The following CDK5RAP2 variants were observed in gnomAD, a reference collection of about 807,000 sequenced individuals.
The protein encoded by CDK5RAP2 is CDK5 regulatory subunit-associated protein 2.
In CDK5RAP2, 147 loss-of-function variants were observed where a neutral mutation model predicts 232.9. The ratio of observed to expected loss-of-function variants is 0.63; its 90% CI spans 0.55 to 0.72. The LOEUF (loss-of-function observed/expected upper bound fraction) is 0.72, where lower values mean the gene tolerates loss of function less well. Among genes scored for constraint, CDK5RAP2 ranks in the 30% least tolerant of loss-of-function variants. The pLI is 0.00. For missense variants in CDK5RAP2, 2,195 were observed against 2,231.5 expected, an observed-to-expected ratio of 0.98 and a Z score of 0.33; for synonymous variants, 833 against 833.7, an observed-to-expected ratio of 1.00 and a Z score of 0.01.
chr9:120,557,141 A>C (rs1488215751), intron 3 of CDK5RAP2, among the ~76,000 whole-genome samples: 2 of 152,232 alleles, frequency 1.3e-5, no homozygotes, highest in Non-Finnish European at 2.9e-5. Context: ...AGAAGGTCAC[A>C]GCAAACAACA....
At chr9:120,479,663 A>G (rs2038201634) in intron 14 of CDK5RAP2, among the ~76,000 whole-genome samples, 1 of 152,218 alleles carries the variant, frequency 6.6e-6, no homozygotes, top group African/African-American at 2.4e-5. Flanking sequence ...ATTCTATGGT[A>G]TAACTGGCCC....
chr9:120,481,938 T>C (rs1327447867), intron 14 of CDK5RAP2, among the ~76,000 whole-genome samples: 3 of 152,208 alleles, frequency 2.0e-5, no homozygotes, highest in Non-Finnish European at 1.5e-5. Context: ...AGGCAAACAC[T>C]TGATATATGT....
intron 13 of CDK5RAP2, among the ~76,000 whole-genome samples, chr9:120,490,670 G>T (rs1048537092): frequency 2.0e-5 from 3 of 151,738 alleles, no homozygotes; most frequent in Non-Finnish European, 4.4e-5. Flanking sequence ...TTTTTTCTTT[G>T]TTTTTTTCTT....
chr9:120,553,149 C>T (rs1057271107), intron 3 of CDK5RAP2, among the ~76,000 whole-genome samples: 4 of 152,176 alleles, frequency 2.6e-5, no homozygotes, highest in African/African-American at 9.7e-5. Flanking sequence ...TGCAAAAGTA[C>T]TGCCTCCACT....
chr9:120,510,313 G>A (rs1440687745), intron 12 of CDK5RAP2, among the ~76,000 whole-genome samples: 1 of 152,118 alleles, frequency 6.6e-6, no homozygotes, highest in Non-Finnish European at 1.5e-5. Flanking sequence ...AGAGCTAAGG[G>A]CCCAGGTACT....
intron 14 of CDK5RAP2, among the ~76,000 whole-genome samples, chr9:120,482,199 A>G (rs1454030381): frequency 6.6e-6 from 1 of 152,210 alleles, no homozygotes; most frequent in Non-Finnish European, 1.5e-5. Flanking sequence ...TTTCTGATGG[A>G]TGGCACAGAG....
Position 120,394,573 on chromosome 9 carries a change from C to T in CDK5RAP2, c.5517G>A (p.Leu1839=), listed in dbSNP as rs374625129. 98 of 1,614,056 alleles carry T rather than the reference C, an allele frequency of 6.1e-5. No individual in the cohort carries two copies. Among genetic ancestry groups the T allele is most frequent in the Admixed American group, 4.8e-4 (29 of 60,006 alleles). ...GCTGCAAAAGCTTCATGGTGTTTTGCAACTTCTTTTCTTGTTCAAACAATT... is the reference window on the plus strand; with the variant it reads ...GCTGCAAAAGCTTCATGGTGTTTTGTAACTTCTTTTCTTGTTCAAACAATT... ...HKKLFEQEKK[L]QNTMKLLQLS... Residue 1839 remains leucine (L), a synonymous_variant, in exon 36 of 38, where the codon TTG becomes TTA. Transcript: ENST00000349780.
In CDK5RAP2 at chr9:120,477,421, C is replaced by T. The variant is rs532710649; in HGVS notation, c.1656G>A (p.Glu552=). Residue 552 remains glutamate, a synonymous_variant, in exon 15 of 38, where the codon GAG becomes GAA. Coordinates refer to ENST00000349780, the MANE Select transcript of CDK5RAP2 (RefSeq NM_018249.6). ...GCTCTTTCTTTAAGACCTGAATCAG[C>T]TCTTCATAGTCTGATGATTGTTTCT... ...KEKKQSSDYE[E]LIQVLKKEQD... is the part of the protein sequence containing the mutation. The T allele has an allele frequency of 5.0e-6, 8 of 1,613,402 alleles. No individual in the cohort carries two copies. In the African/African-American group the frequency reaches 6.7e-5, roughly 13 times the overall value.
chr9:120,456,268 T>TA (rs2036769554), intron 20 of CDK5RAP2, among the ~76,000 whole-genome samples: 1 of 152,220 alleles, frequency 6.6e-6, no homozygotes, highest in African/African-American at 2.4e-5. Flanking sequence ...TCATTGGTGT[T>TA]AGTTCTTTTT....
At chr9:120,450,113 T>C (rs1010481215) in intron 21 of CDK5RAP2, among the ~76,000 whole-genome samples, 1 of 152,200 alleles carries the variant, frequency 6.6e-6, no homozygotes, top group African/African-American at 2.4e-5. Flanking sequence ...AGCTCAAATG[T>C]GCATCAACTA....
At chr9:120,563,950 G>A (rs540515051) in intron 3 of CDK5RAP2, among the ~76,000 whole-genome samples, 3 of 152,232 alleles carry the variant, frequency 2.0e-5, no homozygotes, top group Non-Finnish European at 4.4e-5. Context: ...CTCAGGGCAG[G>A]TGGGCATAAG....
intron 5 of CDK5RAP2, among the ~76,000 whole-genome samples, chr9:120,542,927 G>A (rs2041697983): frequency 6.6e-6 from 1 of 152,238 alleles, no homozygotes; most frequent in Non-Finnish European, 1.5e-5. Context: ...ACAAAGGGCT[G>A]AGCAATGGAA....
intron 11 of CDK5RAP2, among the ~76,000 whole-genome samples, chr9:120,519,919 G>GAA (rs762832927): frequency 2.8e-5 from 4 of 141,112 alleles, no homozygotes; most frequent in African/African-American, 7.7e-5. Context: ...TTCATTTGGA[G>GAA]AAAAAAAAAA....
At chr9:120,466,399 T>C (rs1280299552) in intron 18 of CDK5RAP2, among the ~76,000 whole-genome samples, 5 of 152,278 alleles carry the variant, frequency 3.3e-5, no homozygotes, top group Admixed American at 6.5e-5. Context: ...AGCTGTGCTA[T>C]GAAGAACAAG....
intron 12 of CDK5RAP2, among the ~76,000 whole-genome samples, chr9:120,498,522 C>G (rs886331566): frequency 6.6e-6 from 1 of 152,126 alleles, no homozygotes; most frequent in Non-Finnish European, 1.5e-5. Flanking sequence ...AAAAGGGTCA[C>G]TCATGGGAAA....
intron 30 of CDK5RAP2, 113 bp from the exon 31 acceptor site, chr9:120,408,581 G>T: frequency 8.8e-7 from 1 of 1,141,326 alleles, no homozygotes; most frequent in Non-Finnish European, 1.3e-6. Context: ...TGTGGACCAA[G>T]AAGTGACAAG....
At chr9:120,535,582 T>C (rs946369133) in intron 7 of CDK5RAP2, among the ~76,000 whole-genome samples, 2 of 152,250 alleles carry the variant, frequency 1.3e-5, no homozygotes, top group South Asian at 2.1e-4. Context: ...TAGCCAGCAG[T>C]TGGACTTATA....
chr9:120,478,270 C>T (rs1398431699), intron 14 of CDK5RAP2, among the ~76,000 whole-genome samples: 5 of 152,022 alleles, frequency 3.3e-5, no homozygotes, highest in Admixed American at 6.6e-5. Flanking sequence ...TGGCTGATTC[C>T]CGTATTAGGA....
At chr9:120,555,153 G>A (rs985532294) in intron 3 of CDK5RAP2, among the ~76,000 whole-genome samples, 2 of 149,114 alleles carry the variant, frequency 1.3e-5, no homozygotes, top group Admixed American at 6.7e-5. Context: ...GGTGGGGGGC[G>A]GTGGGTAGAC....
Sources: allele counts gnomAD v4.1 joint callset (sites outside exome capture counted in the v4.1 genomes callset), GRCh38; gene constraint gnomAD v4.1.1; transcripts MANE v1.5; gene names NCBI Gene and HGNC (gene_info 2026-07-23, HGNC 2026-07-21).